Variants in GALNT13 observed in about 807,000 individuals in gnomAD.
GALNT13 encodes UDP-GalNAc:polypeptide N-acetylgalactosaminyltransferase 13.
A neutral mutation model predicts 64.2 loss-of-function variants in GALNT13; 28 were observed. That is an observed-to-expected ratio of 0.44 (90% CI 0.32 to 0.60). GALNT13 has a LOEUF of 0.60. Among genes scored for constraint, GALNT13 ranks in the 20% least tolerant of loss-of-function variants. The probability of loss-of-function intolerance (pLI) is 0.05; values close to 1 mark genes in which losing one functional copy is unlikely to be tolerated. For missense variants in GALNT13, 577 were observed against 669.8 expected (o/e 0.86, Z 1.53); for synonymous variants, 214 against 224.6 (o/e 0.95, Z 0.42).
intron 9 of GALNT13, among the ~76,000 whole-genome samples, chr2:154,381,340 C>T (rs1273773639): frequency 1.3e-5 from 2 of 152,074 alleles, no homozygotes; most frequent in African/African-American, 2.4e-5. Context: ...TATATCTCAG[C>T]TCAAAGATCA....
the GALNT13 span, among the ~76,000 whole-genome samples, chr2:153,595,031 C>G: frequency 6.6e-6 from 1 of 151,878 alleles, no homozygotes; most frequent in African/African-American, 2.4e-5. Flanking sequence ...AAAAATAAAT[C>G]TTGGATCCAT....
At chr2:153,356,612 T>C in the GALNT13 span, 10 of 152,170 alleles carry the variant, frequency 6.6e-5, no homozygotes, top group Non-Finnish European at 1.2e-4. Flanking sequence ...TATAGTGTTA[T>C]AGCTCAGTCT....
At chr2:154,367,510 T>C (rs1382269234) in intron 9 of GALNT13, among the ~76,000 whole-genome samples, 1 of 152,196 alleles carries the variant, frequency 6.6e-6, no homozygotes, top group Non-Finnish European at 1.5e-5. Flanking sequence ...ACAGTTTACA[T>C]TCTGAAGCCC....
intron 4 of GALNT13, among the ~76,000 whole-genome samples, chr2:154,156,683 G>T (rs1221374915): frequency 1.3e-5 from 2 of 152,108 alleles, no homozygotes; most frequent in African/African-American, 2.4e-5. Context: ...CTGAGTATTT[G>T]CTCTCAACCA....
intron 1 of GALNT13, among the ~76,000 whole-genome samples, chr2:153,893,470 A>G (rs1687687005): frequency 1.3e-5 from 2 of 152,128 alleles, no homozygotes; most frequent in Admixed American, 1.3e-4. Context: ...AAAAAAGAAT[A>G]TGAAAATTAC....
chr2:153,988,588 T>A (rs1694961906), intron 3 of GALNT13, among the ~76,000 whole-genome samples: 1 of 151,964 alleles, frequency 6.6e-6, no homozygotes, highest in Non-Finnish European at 1.5e-5. Context: ...GCACATAGGT[T>A]GATCATGGAC....
At chr2:153,515,033 G>A in the GALNT13 span, among the ~76,000 whole-genome samples, 5 of 152,132 alleles carry the variant, frequency 3.3e-5, no homozygotes, top group Non-Finnish European at 7.4e-5. Context: ...TGGTTGGGAA[G>A]ATGCTGAGAA....
the GALNT13 span, among the ~76,000 whole-genome samples, chr2:153,367,009 A>C: frequency 8.2e-5 from 4 of 48,992 alleles, no homozygotes; most frequent in Non-Finnish European, 2.1e-4. Context: ...TCAAGCAAAC[A>C]AACAAACAAA....
At chr2:154,118,231 A>G (rs1681714964) in intron 3 of GALNT13, among the ~76,000 whole-genome samples, 1 of 149,100 alleles carries the variant, frequency 6.7e-6, no homozygotes, top group African/African-American at 2.5e-5. Flanking sequence ...TACAACTGAT[A>G]TAACTTTTTG....
chr2:153,268,830 A>G, the GALNT13 span, among the ~76,000 whole-genome samples: 4 of 152,300 alleles, frequency 2.6e-5, no homozygotes, highest in Admixed American at 2.0e-4. Flanking sequence ...GCACCCTTTG[A>G]AGCAATGGCT....
intron 3 of GALNT13, among the ~76,000 whole-genome samples, chr2:154,061,388 GCCT>G (rs1353506166): frequency 6.6e-6 from 1 of 152,086 alleles, no homozygotes; most frequent in Non-Finnish European, 1.5e-5. Context: ...CTGTAGTTAG[GCCT>G]CAAAGATCTC....
At chr2:153,075,772 C>A in the GALNT13 span, among the ~76,000 whole-genome samples, 1 of 152,050 alleles carries the variant, frequency 6.6e-6, no homozygotes, top group African/African-American at 2.4e-5. Context: ...TTATAGGTAA[C>A]CACCAAAATA....
chr2:153,370,025 G>A, the GALNT13 span, among the ~76,000 whole-genome samples: 1 of 152,086 alleles, frequency 6.6e-6, no homozygotes, highest in Non-Finnish European at 1.5e-5. Context: ...AATTTGATAT[G>A]CAGCAATAGA....
the GALNT13 span, among the ~76,000 whole-genome samples, chr2:153,518,960 C>A: frequency 6.6e-6 from 1 of 152,122 alleles, no homozygotes; most frequent in African/African-American, 2.4e-5. Context: ...ATATGCTAGC[C>A]AGATCATTTC....
At chr2:153,953,752 G>A (rs1228570251) in intron 3 of GALNT13, among the ~76,000 whole-genome samples, 1 of 152,020 alleles carries the variant, frequency 6.6e-6, no homozygotes. Flanking sequence ...TGATCTTTCT[G>A]CTTGCAGATA....
chr2:153,632,066 A>T, the GALNT13 span, among the ~76,000 whole-genome samples: 2 of 152,132 alleles, frequency 1.3e-5, no homozygotes, highest in Non-Finnish European at 2.9e-5. Flanking sequence ...CCTCTTAAGA[A>T]TTATCAAGCT....
chr2:154,403,522 T>A (rs924486720), intron 10 of GALNT13, among the ~76,000 whole-genome samples: 1 of 151,880 alleles, frequency 6.6e-6, no homozygotes, highest in Non-Finnish European at 1.5e-5. Context: ...GATATGTCCC[T>A]CTTATTTGTT....
chr2:153,122,954 G>T, the GALNT13 span, among the ~76,000 whole-genome samples: 1 of 152,098 alleles, frequency 6.6e-6, no homozygotes, highest in African/African-American at 2.4e-5. Flanking sequence ...AATGACTGGT[G>T]TTCTTCTAAG....
At chr2:153,788,346 A>C in the GALNT13 span, among the ~76,000 whole-genome samples, 1 of 152,126 alleles carries the variant, frequency 6.6e-6, no homozygotes, top group Admixed American at 6.5e-5. Context: ...AGCCAAACTA[A>C]ACTTCATAAC....
Sources: gnomAD v4.1 joint callset for allele counts (sites outside exome capture counted in the v4.1 genomes callset) on GRCh38, gnomAD v4.1.1 for gene constraint, MANE v1.5 for transcripts, NCBI Gene and HGNC (gene_info 2026-07-23, HGNC 2026-07-21) for gene names.